The following EVPL variants were observed in gnomAD, a reference collection of about 807,000 sequenced individuals.
The protein encoded by EVPL is envoplakin.
In EVPL, 94 loss-of-function variants were observed where a neutral mutation model predicts 129.7. The observed-to-expected ratio is 0.72, with a 90% CI of 0.61 to 0.86. The LOEUF (loss-of-function observed/expected upper bound fraction) is 0.86, where lower values mean the gene tolerates loss of function less well. Ranked by LOEUF, EVPL falls within the 40% of genes least tolerant of loss-of-function variation. The probability of loss-of-function intolerance (pLI) is 0.00; values close to 1 mark genes in which losing one functional copy is unlikely to be tolerated. For missense variants in EVPL, 2,625 were observed against 2,721.1 expected (o/e 0.96, Z 0.79); for synonymous variants, 1,172 against 1,191.1 (o/e 0.98, Z 0.33).
In EVPL at chr17:76,011,879, A is replaced by G. The variant is rs766457706; in HGVS notation, c.2461T>C (p.Tyr821His). The G allele has an allele frequency of 6.8e-6, 11 of 1,613,280 alleles. No homozygotes were observed. In the Admixed American group the frequency reaches 1.7e-4, roughly 24 times the overall value. Residue 821 changes from tyrosine to histidine, a missense_variant, in exon 20 of 22, where the codon TAT becomes CAT. Physicochemically the swap from Tyr to His is moderately conservative, Grantham distance 83. Coordinates refer to ENST00000301607, the MANE Select transcript of EVPL (RefSeq NM_001988.4). The part of the protein sequence containing the change: ...SQALQAALQD[Y>H]ELQADTYRCS... ...CGGTAGGTGTCTGCCTGGAGCTCATAGTCCTGAGCAGGGAGGAAAGGACAG... is the reference window on the plus strand; with the variant it reads ...CGGTAGGTGTCTGCCTGGAGCTCATGGTCCTGAGCAGGGAGGAAAGGACAG...
Position 76,008,047 on chromosome 17 carries a change from C to T in EVPL, c.5158G>A (p.Glu1720Lys). The T allele has an allele frequency of 6.2e-7, 1 of 1,614,164 alleles. No homozygotes were observed. ...GTGGTGACCTCCTCCCAGTCACACT[C>T]GAGCTCCTGCAGCTGCAAGTACTGG... is the stretch of plus-strand genomic sequence containing the variant. ...RGQYLQLQEL[E>K]CDWEEVTTSG... Residue 1720 changes from glutamate to lysine, a missense_variant, in exon 22 of 22, where the codon GAG (glutamate) becomes AAG (lysine). Around this residue, in one of 4 missense-constraint regions of EVPL, gnomAD observed 1,453 missense variants for 1,511.8 expected, o/e 0.96. Coordinates refer to ENST00000301607, the MANE Select transcript of EVPL (RefSeq NM_001988.4). This position sits in a 1 kb window ranked among gnomAD's most constrained non-coding sequence, Gnocchi z 7.4.
chr17:76,015,778 C>A, intron 14 of EVPL, 150 bp from the exon 15 acceptor site: 2 of 772,076 alleles, frequency 2.6e-6, no homozygotes, highest in Admixed American at 5.7e-5. Context: ...AGTCCTGGCG[C>A]TACTCGTTCC....
Position 76,022,319 on chromosome 17 carries a change from C to T in EVPL, c.607-92G>A. ...CTGGGCCAGCCATACCCCACCCACC[C>T]CTATCCCCAGGGCCCAGCCGATCTA... On this transcript the variant is annotated intron_variant, in intron 5 of 21. Coordinates refer to ENST00000301607, the MANE Select transcript of EVPL (RefSeq NM_001988.4). The surrounding 1 kb of genome is among the most constrained non-coding windows in gnomAD (Gnocchi z 5.6). 4 of 1,601,112 alleles carry T rather than the reference C, an allele frequency of 2.5e-6. No individual in the cohort carries two copies. Among genetic ancestry groups the T allele is most frequent in the Non-Finnish European group, 3.4e-6 (4 of 1,174,408 alleles).
chr17:76,022,536 C>T lies in EVPL; in HGVS notation c.483G>A (p.Lys161=), dbSNP rs756038078. The change falls in exon 5 of 22, where the codon AAG becomes AAA. Residue 161 remains lysine (K), a splice_region_variant and synonymous_variant. Transcript: ENST00000301607. The surrounding 1 kb of genome is among the most constrained non-coding windows in gnomAD (Gnocchi z 5.6). The stretch of plus-strand genomic sequence containing the variant: ...GCCCGTACTGGCCTGCGCAGACCTG[C>T]TTCTGCAGGAGAGCCGGCGGCTCAG... ...DWARVLEQKQ[K]QVCAGQYGPG... is the part of the protein sequence containing the mutation. 9 of 1,604,722 alleles carry T rather than the reference C, an allele frequency of 5.6e-6. No homozygotes were observed. The South Asian group carries it at 8.9e-5, about 16-fold the overall frequency.
rs1003403550 is a variant in EVPL at position 76,024,662 on chromosome 17, C to A, written c.99-542G>T. On this transcript the variant is annotated intron_variant, in intron 1 of 21. Transcript: ENST00000301607. This position sits in a 1 kb window ranked among gnomAD's most constrained non-coding sequence, Gnocchi z 4.5. ...AGTAGCCATCTAGAGGAGCCTCACA[C>A]TGTCGGAGCCGGGGAGGTGGGGCAG... 6.6e-6 allele frequency among the ~76,000 whole-genome samples: 1 copy of A among 151,836 alleles called. No homozygotes were observed. Among genetic ancestry groups the A allele is most frequent in the Non-Finnish European group, 1.5e-5 (1 of 67,952 alleles).
intron 1 of EVPL, among the ~76,000 whole-genome samples, chr17:76,025,809 G>A (rs1451003812): frequency 3.3e-5 from 5 of 152,222 alleles, no homozygotes; most frequent in African/African-American, 4.8e-5. Flanking sequence ...CTCTGCAGAC[G>A]AGCTGAAGCC....
chr17:76,010,620 C>T, intron 21 of EVPL, 77 bp from the exon 22 acceptor site: 1 of 1,450,680 alleles, frequency 6.9e-7, no homozygotes, highest in Non-Finnish European at 9.1e-7. Context: ...AGATGAAAGA[C>T]CCCTCCCTGT....
At position 76,008,828 on chromosome 17, in the gene EVPL, C is replaced by A; in HGVS notation, c.4377G>T (p.Lys1459Asn). 1 of 1,614,148 alleles carries A rather than the reference C, an allele frequency of 6.2e-7. No individual in the cohort carries two copies. Among genetic ancestry groups the A allele is most frequent in the Non-Finnish European group, 8.5e-7 (1 of 1,180,018 alleles). ...LEKRPPTVQE[K>N]IIMEEVVKLE... The stretch of plus-strand genomic sequence containing the variant: ...GCTTGACCACTTCCTCCATGATGAT[C>A]TTCTCCTGCACCGTGGGAGGCCGCT... Residue 1459 changes from lysine (K) to asparagine (N), a missense_variant, in exon 22 of 22, where the codon AAG (lysine) becomes AAT (asparagine). Coordinates refer to ENST00000301607, the MANE Select transcript of EVPL (RefSeq NM_001988.4). This position sits in a 1 kb window ranked among gnomAD's most constrained non-coding sequence, Gnocchi z 7.4.
At chr17:76,011,458 C>T (rs2066375621) in intron 21 of EVPL, 118 bp downstream of exon 21, 1 of 917,196 alleles carries the variant, frequency 1.1e-6, no homozygotes, top group Non-Finnish European at 1.8e-6. Context: ...GGGCTGCAGG[C>T]AGGAGGGAGA....
At position 76,018,255 on chromosome 17, in the gene EVPL, C is replaced by A; in HGVS notation, c.1443G>T (p.Leu481=). 1 of 1,543,614 alleles carries A rather than the reference C, an allele frequency of 6.5e-7. No homozygotes were observed. Among genetic ancestry groups the A allele is most frequent in the Non-Finnish European group, 8.8e-7 (1 of 1,142,408 alleles). ...DPDAVARASR[L]ASELQALKQK... ...GCTTCAGGGCCTGCAGCTCTGAGGC[C>A]AGCCTAGAATGAAGAGGAGATTGAA... The change falls in exon 13 of 22, where the codon CTG becomes CTT. Residue 481 remains leucine, a synonymous_variant. Coordinates refer to ENST00000301607, the MANE Select transcript of EVPL (RefSeq NM_001988.4).
rs1187371941 is a variant in EVPL, at chr17:76,015,503, G to A, written c.1836C>T (p.Ser612=). ...GCACGTCACTGAACTTGTTCTTCACGCTGTTGAGGGCTACGGGCAGCTGCA... is the reference window on the plus strand; with the variant it reads ...GCACGTCACTGAACTTGTTCTTCACACTGTTGAGGGCTACGGGCAGCTGCA... ...AALQLPVALN[S]VKNKFSDVQV... The change falls in exon 15 of 22, where the codon AGC becomes AGT. Residue 612 remains serine, a synonymous_variant. Coordinates refer to ENST00000301607, the MANE Select transcript of EVPL (RefSeq NM_001988.4). The A allele has an allele frequency of 1.2e-6, 2 of 1,613,074 alleles. No homozygotes were observed. The highest frequency in any genetic ancestry group is 1.1e-5 in the South Asian group (1 of 91,082).
At chr17:76,015,742 TG>T in intron 14 of EVPL, 114 bp from the exon 15 acceptor site, 2 of 1,136,564 alleles carry the variant, frequency 1.8e-6, no homozygotes, top group East Asian at 5.2e-5. Flanking sequence ...GGTACATGCT[TG>T]GGCTCAGGCC....
chr17:76,022,064 G>A lies in EVPL; in HGVS notation c.646-36C>T, dbSNP rs2066464762. ...GACCCGCCGCCAGCAGCAGGGTGGG[G>A]AGACAGAAAGTGGGGGGCAAAAGGC... On this transcript the variant is annotated intron_variant, in intron 6 of 21. Transcript: ENST00000301607. This position sits in a 1 kb window ranked among gnomAD's most constrained non-coding sequence, Gnocchi z 5.6. 1.9e-6 allele frequency: 3 copies of A among 1,558,948 alleles called. No homozygotes were observed. Among genetic ancestry groups the A allele is most frequent in the African/African-American group, 1.4e-5 (1 of 73,686 alleles).
Position 76,008,450 on chromosome 17 carries a change from C to G in EVPL, c.4755G>C (p.Arg1585=). 1.3e-6 allele frequency: 2 copies of G among 1,593,122 alleles called. No homozygotes were observed. Among genetic ancestry groups the G allele is most frequent in the Non-Finnish European group, 1.7e-6 (2 of 1,175,570 alleles). ...GCCCACACTCCTGGTCGGCCTGGTCCCGGGCCCTCTGCAGCTCGGACTCCT... is the reference window on the plus strand; with the variant it reads ...GCCCACACTCCTGGTCGGCCTGGTCGCGGGCCCTCTGCAGCTCGGACTCCT... The part of the protein sequence containing the change: ...SREESELQRA[R]DQADQECGRL... Residue 1585 remains arginine, a synonymous_variant, in exon 22 of 22, where the codon CGG becomes CGC. Coordinates refer to ENST00000301607, the MANE Select transcript of EVPL (RefSeq NM_001988.4). This position sits in a 1 kb window ranked among gnomAD's most constrained non-coding sequence, Gnocchi z 7.4.
intron 11 of EVPL, 150 bp from the exon 12 acceptor site, chr17:76,018,750 C>T: frequency 8.3e-7 from 1 of 1,209,572 alleles, no homozygotes; most frequent in Non-Finnish European, 1.1e-6. Flanking sequence ...AGAAAAGAGG[C>T]AGGACAGGAC....
chr17:76,007,834 A>C lies in EVPL; in HGVS notation c.5371T>G (p.Ser1791Ala). Residue 1791 changes from serine (S) to alanine (A), a missense_variant, in exon 22 of 22, where the codon TCC becomes GCC. By Grantham distance (99) the Ser-to-Ala change is moderately conservative. Around this residue, in one of 4 missense-constraint regions of EVPL, gnomAD observed 1,453 missense variants for 1,511.8 expected, o/e 0.96. Coordinates refer to ENST00000301607, the MANE Select transcript of EVPL (RefSeq NM_001988.4). The surrounding 1 kb of genome is among the most constrained non-coding windows in gnomAD (Gnocchi z 8.8). The part of the protein sequence containing the change: ...AGETKPSSSL[S>A]IGSIISKSPL... ...GACTTGGAGATGATAGAGCCGATGGAGAGTGAGGAGCTTGGCTTGGTCTCC... is the reference window on the plus strand; with the variant it reads ...GACTTGGAGATGATAGAGCCGATGGCGAGTGAGGAGCTTGGCTTGGTCTCC... 1.2e-6 allele frequency: 2 copies of C among 1,611,906 alleles called. No individual in the cohort carries two copies. The highest frequency in any genetic ancestry group is 3.3e-5 in the Admixed American group (2 of 59,982).
chr17:76,008,654 C>A lies in EVPL; in HGVS notation c.4551G>T (p.Lys1517Asn). The A allele has an allele frequency of 6.2e-7, 1 of 1,612,542 alleles. No individual in the cohort carries two copies. Among genetic ancestry groups the A allele is most frequent in the South Asian group, 1.1e-5 (1 of 91,088 alleles). Residue 1517 changes from lysine to asparagine, a missense_variant, in exon 22 of 22, where the codon AAG (lysine) becomes AAT (asparagine). Lys to Asn is a moderately conservative substitution (Grantham distance 94, BLOSUM62 0). Transcript: ENST00000301607. This position sits in a 1 kb window ranked among gnomAD's most constrained non-coding sequence, Gnocchi z 7.4. Reference sequence around the variant, plus strand: ...CCCGGATCACTTCCTTGTAGATGGTCTTCTCCTGCGATTTGGCTTTCTGGA... The same window carrying A: ...CCCGGATCACTTCCTTGTAGATGGTATTCTCCTGCGATTTGGCTTTCTGGA... ...DVLQKAKSQE[K>N]TIYKEVIRVQ...
intron 14 of EVPL, among the ~76,000 whole-genome samples, chr17:76,016,155 A>C (rs917481903): frequency 1.3e-5 from 2 of 152,090 alleles, no homozygotes; most frequent in African/African-American, 2.4e-5. Flanking sequence ...CAAAAAAATA[A>C]AATAAATAAA....
Position 76,022,635 on chromosome 17 carries a change from G to T in EVPL, c.481-97C>A, listed in dbSNP as rs546962610. On this transcript the variant is annotated intron_variant, in intron 4 of 21. Transcript: ENST00000301607. The surrounding 1 kb of genome is among the most constrained non-coding windows in gnomAD (Gnocchi z 5.6). ...CCCGGAGAAGTGGACTTGGTCATTT[G>T]GGCAGAGCGTGGACGAGCCTGGGAG... 4.5e-5 allele frequency: 67 copies of T among 1,476,648 alleles called. No homozygotes were observed. In the African/African-American group the frequency reaches 8.5e-4, roughly 19 times the overall value. The allele number at this position is 1,476,648 out of a possible 1,614,324, so 91.5% of individuals were successfully genotyped here. A position where few individuals can be genotyped will look rare whatever the true frequency, so the allele number is the denominator to read the frequency against.
Sources: allele counts gnomAD v4.1 joint callset (sites outside exome capture counted in the v4.1 genomes callset), GRCh38; gene constraint gnomAD v4.1.1; regional missense constraint gnomAD v4.1.1; non-coding constraint Gnocchi (gnomAD v3.1); transcripts MANE v1.5; gene names NCBI Gene and HGNC (gene_info 2026-07-23, HGNC 2026-07-21).